NRXN1: variants seen among roughly 807,000 people sequenced by gnomAD.
NRXN1 encodes neurexin-1.
In NRXN1, 39 loss-of-function variants were observed where a neutral mutation model predicts 150.9. The ratio of observed to expected loss-of-function variants is 0.26; its 90% CI spans 0.20 to 0.34. The LOEUF (loss-of-function observed/expected upper bound fraction) is 0.34. Among genes scored for constraint, NRXN1 ranks in the 10% least tolerant of loss-of-function variants. NRXN1 has a pLI of 1.00. For synonymous variants in NRXN1, 924 were observed against 757.0 expected, an observed-to-expected ratio of 1.22 and a Z score of -3.62; for missense variants, 1,815 against 1,949.9, an observed-to-expected ratio of 0.93 and a Z score of 1.30.
chr2:50,215,071 T>C (rs2063302550), intron 18 of NRXN1, among the ~76,000 whole-genome samples: 2 of 152,012 alleles, frequency 1.3e-5, no homozygotes. Context: ...GATAATATGT[T>C]ATTTATCTAA....
intron 5 of NRXN1, among the ~76,000 whole-genome samples, chr2:50,835,879 T>C (rs1490391450): frequency 6.6e-6 from 1 of 152,164 alleles, no homozygotes; most frequent in Non-Finnish European, 1.5e-5. Context: ...TAATTTAACT[T>C]TGCTGAGCCT....
intron 16 of NRXN1, among the ~76,000 whole-genome samples, chr2:50,466,139 G>A (rs574521081): frequency 9.9e-5 from 15 of 151,626 alleles, no homozygotes; most frequent in African/African-American, 3.6e-4. Flanking sequence ...CCATATAAAT[G>A]GCATGCCCTC....
intron 7 of NRXN1, 171 bp downstream of exon 7, chr2:50,621,055 G>C: frequency 1.8e-6 from 1 of 540,636 alleles, no homozygotes; most frequent in Non-Finnish European, 3.2e-6. Context: ...TAAAAAATAA[G>C]AAGGTCAACA....
intron 17 of NRXN1, among the ~76,000 whole-genome samples, chr2:50,338,619 C>A (rs536215106): frequency 6.6e-6 from 1 of 150,594 alleles, no homozygotes; most frequent in Non-Finnish European, 1.5e-5. Context: ...TTAACAAAGA[C>A]AGAATCTTGA....
intron 17 of NRXN1, among the ~76,000 whole-genome samples, chr2:50,446,812 A>G (rs903503653): frequency 6.6e-6 from 1 of 152,082 alleles, no homozygotes; most frequent in African/African-American, 2.4e-5. Flanking sequence ...ACAAATATGC[A>G]TTATTTTTAT....
chr2:50,938,499 G>A (rs1315991224), intron 2 of NRXN1, among the ~76,000 whole-genome samples: 2 of 152,000 alleles, frequency 1.3e-5, no homozygotes, highest in Non-Finnish European at 2.9e-5. Flanking sequence ...AAACTATTCC[G>A]ATTTCTGCCC....
At chr2:50,712,231 G>C (rs899786701) in intron 5 of NRXN1, among the ~76,000 whole-genome samples, 5 of 151,982 alleles carry the variant, frequency 3.3e-5, no homozygotes, top group African/African-American at 7.2e-5. Flanking sequence ...TAAACATCAG[G>C]TTCCAAGTAA....
intron 17 of NRXN1, among the ~76,000 whole-genome samples, chr2:50,264,614 T>G (rs1311569211): frequency 1.3e-5 from 2 of 152,026 alleles, no homozygotes; most frequent in African/African-American, 2.4e-5. Flanking sequence ...GAATGAGAAG[T>G]AGGCTGTCAT....
chr2:51,019,195 A>C (rs1359881027), intron 2 of NRXN1, among the ~76,000 whole-genome samples: 2 of 152,114 alleles, frequency 1.3e-5, no homozygotes, highest in African/African-American at 4.8e-5. Flanking sequence ...GGTATTGGGC[A>C]TACTTGGACC....
intron 5 of NRXN1, among the ~76,000 whole-genome samples, chr2:50,786,896 A>C (rs1705202012): frequency 6.6e-6 from 1 of 152,184 alleles, no homozygotes; most frequent in African/African-American, 2.4e-5. Flanking sequence ...ACATATAAAA[A>C]AATGGAAAAT....
intron 5 of NRXN1, among the ~76,000 whole-genome samples, chr2:50,818,255 T>C (rs1202646235): frequency 3.3e-5 from 5 of 151,742 alleles, no homozygotes; most frequent in Non-Finnish European, 4.4e-5. Context: ...TTGAATCTGC[T>C]GATTGCTTTA....
At chr2:49,981,642 C>T (rs1680008919) in intron 21 of NRXN1, among the ~76,000 whole-genome samples, 1 of 152,008 alleles carries the variant, frequency 6.6e-6, no homozygotes, top group Non-Finnish European at 1.5e-5. Context: ...CAGATGACTT[C>T]ATAACCCTAT....
chr2:50,278,284 T>C (rs1219064286), intron 17 of NRXN1, among the ~76,000 whole-genome samples: 3 of 87,964 alleles, frequency 3.4e-5, no homozygotes, highest in Non-Finnish European at 6.6e-5. Flanking sequence ...ATTATATATA[T>C]AATACATATA....
intron 17 of NRXN1, among the ~76,000 whole-genome samples, chr2:50,447,236 G>A (rs1274122890): frequency 6.6e-6 from 1 of 151,896 alleles, no homozygotes; most frequent in Non-Finnish European, 1.5e-5. Context: ...CACTTTGGGA[G>A]GCCAAGGTGG....
At chr2:50,048,880 T>C (rs1692253314) in intron 21 of NRXN1, among the ~76,000 whole-genome samples, 1 of 152,196 alleles carries the variant, frequency 6.6e-6, no homozygotes, top group East Asian at 1.9e-4. Context: ...TCTCACTTTA[T>C]AATTTAATTT....
chr2:50,822,313 A>G (rs928664253), intron 5 of NRXN1, among the ~76,000 whole-genome samples: 2 of 152,162 alleles, frequency 1.3e-5, no homozygotes, highest in African/African-American at 4.8e-5. Context: ...ATACGTTTCA[A>G]AGTAAGAAGT....
chr2:50,802,155 T>G (rs1707682508), intron 5 of NRXN1, among the ~76,000 whole-genome samples: 1 of 152,260 alleles, frequency 6.6e-6, no homozygotes, highest in East Asian at 1.9e-4. Flanking sequence ...AAGGATACAC[T>G]GATGTCCTAA....
At chr2:50,351,043 GC>G (rs1164774183) in intron 17 of NRXN1, among the ~76,000 whole-genome samples, 6 of 152,248 alleles carry the variant, frequency 3.9e-5, no homozygotes, top group Admixed American at 3.3e-4. Flanking sequence ...AGTATTGTGG[GC>G]AAAAACATGA....
intron 5 of NRXN1, among the ~76,000 whole-genome samples, chr2:50,773,641 T>C (rs1449330693): frequency 6.6e-6 from 1 of 152,162 alleles, no homozygotes; most frequent in Non-Finnish European, 1.5e-5. Context: ...CGCCAATCTC[T>C]TCACCTTTGC....
Sources: allele counts gnomAD v4.1 joint callset (sites outside exome capture counted in the v4.1 genomes callset), GRCh38; gene constraint gnomAD v4.1.1; transcripts MANE v1.5; gene names NCBI Gene and HGNC (gene_info 2026-07-23, HGNC 2026-07-21).